SLC24A2: variants seen among roughly 807,000 people sequenced by gnomAD.
The protein encoded by SLC24A2 is solute carrier family 24 member 2, also known as sodium/potassium/calcium exchanger 2.
Under a neutral mutation model 62.0 loss-of-function variants are expected in SLC24A2, and 36 were observed. That is an observed-to-expected ratio of 0.58 (90% CI 0.44 to 0.77). The LOEUF is 0.77. Ranked by LOEUF, SLC24A2 falls within the 30% of genes least tolerant of loss-of-function variation. The probability of loss-of-function intolerance (pLI) is 0.00; values close to 1 mark genes in which losing one functional copy is unlikely to be tolerated. For synonymous variants in SLC24A2, 358 were observed against 294.0 expected, an observed-to-expected ratio of 1.22 and a Z score of -2.23; for missense variants, 846 against 817.9, an observed-to-expected ratio of 1.03 and a Z score of -0.42.
chr9:19,833,765 G>A, the SLC24A2 span, among the ~76,000 whole-genome samples: 1 of 152,254 alleles, frequency 6.6e-6, no homozygotes. Context: ...TCTGAGAATA[G>A]GCAGACTGCC....
At chr9:19,542,964 G>C (rs1314120400) in intron 8 of SLC24A2, among the ~76,000 whole-genome samples, 2 of 152,146 alleles carry the variant, frequency 1.3e-5, no homozygotes, top group African/African-American at 4.8e-5. Context: ...ATGAGTTAGG[G>C]AGGATCCCCT....
chr9:19,816,591 C>T, the SLC24A2 span, among the ~76,000 whole-genome samples: 1 of 152,098 alleles, frequency 6.6e-6, no homozygotes, highest in Non-Finnish European at 1.5e-5. Flanking sequence ...TTAATTGGCT[C>T]ATAGTTCTGC....
the SLC24A2 span, among the ~76,000 whole-genome samples, chr9:20,109,673 G>T: frequency 6.6e-6 from 1 of 152,118 alleles, no homozygotes; most frequent in African/African-American, 2.4e-5. Flanking sequence ...GTTTCCTCTG[G>T]AGTTTGCCCA....
chr9:19,576,878 C>CA (rs1836029774), intron 6 of SLC24A2, 46 bp downstream of exon 6: 12 of 1,446,542 alleles, frequency 8.3e-6, no homozygotes, highest in Non-Finnish European at 9.7e-6. Context: ...CTGCTCCCCT[C>CA]GCTTCCCCCA....
At chr9:20,278,871 C>T in the SLC24A2 span, among the ~76,000 whole-genome samples, 2 of 152,116 alleles carry the variant, frequency 1.3e-5, no homozygotes, top group African/African-American at 4.8e-5. Flanking sequence ...TCTCACACTG[C>T]TAATAAAGAC....
At chr9:19,815,860 A>G in the SLC24A2 span, among the ~76,000 whole-genome samples, 1 of 152,116 alleles carries the variant, frequency 6.6e-6, no homozygotes, top group Non-Finnish European at 1.5e-5. Context: ...AATATGTACA[A>G]TAATTGTAGC....
chr9:20,267,481 G>T, the SLC24A2 span, among the ~76,000 whole-genome samples: 1 of 152,182 alleles, frequency 6.6e-6, no homozygotes, highest in Non-Finnish European at 1.5e-5. Context: ...ACACTGTCCT[G>T]TCAGGCTCTT....
chr9:20,060,965 T>A, the SLC24A2 span, among the ~76,000 whole-genome samples: 1 of 152,148 alleles, frequency 6.6e-6, no homozygotes, highest in Non-Finnish European at 1.5e-5. Context: ...GATACTTAAC[T>A]GTAAATGTAA....
chr9:20,220,501 A>G, the SLC24A2 span, among the ~76,000 whole-genome samples: 1 of 152,240 alleles, frequency 6.6e-6, no homozygotes, highest in East Asian at 1.9e-4. Flanking sequence ...TCAGTATATA[A>G]AATAGAAATC....
intron 8 of SLC24A2, among the ~76,000 whole-genome samples, chr9:19,544,946 G>A (rs1276524160): frequency 6.6e-6 from 1 of 152,132 alleles, no homozygotes; most frequent in African/African-American, 2.4e-5. Context: ...GGTGTTCTCT[G>A]TATTTCCTGA....
At chr9:20,068,008 A>C in the SLC24A2 span, among the ~76,000 whole-genome samples, 1 of 151,450 alleles carries the variant, frequency 6.6e-6, no homozygotes, top group East Asian at 1.9e-4. Context: ...ACAGTGCATA[A>C]GCATTCCTTT....
At chr9:19,813,985 C>T in the SLC24A2 span, among the ~76,000 whole-genome samples, 1 of 152,144 alleles carries the variant, frequency 6.6e-6, no homozygotes, top group Non-Finnish European at 1.5e-5. Context: ...TAGTACTTTG[C>T]TATAGGGGCC....
the SLC24A2 span, among the ~76,000 whole-genome samples, chr9:19,907,021 C>A: frequency 1.3e-4 from 20 of 151,872 alleles, no homozygotes; most frequent in Admixed American, 1.2e-3. Flanking sequence ...GAGACACAAC[C>A]AAAAAAGAGA....
chr9:19,988,275 T>G, the SLC24A2 span, among the ~76,000 whole-genome samples: 2 of 152,202 alleles, frequency 1.3e-5, no homozygotes, highest in African/African-American at 4.8e-5. Context: ...GTAGATGATT[T>G]TGAGCCACAC....
At chr9:19,880,060 T>C in the SLC24A2 span, among the ~76,000 whole-genome samples, 339 of 152,242 alleles carry the variant, frequency 2.2e-3, 3 homozygotes, top group African/African-American at 7.2e-3. Flanking sequence ...AAAATCTACT[T>C]ATGTTTTGAT....
chr9:19,617,237 G>A (rs1055790927), intron 4 of SLC24A2, among the ~76,000 whole-genome samples: 2 of 152,180 alleles, frequency 1.3e-5, no homozygotes, highest in African/African-American at 4.8e-5. Context: ...GGCCCCCTGT[G>A]AGAATCTAAT....
the SLC24A2 span, among the ~76,000 whole-genome samples, chr9:19,897,285 C>A: frequency 6.6e-6 from 1 of 152,098 alleles, no homozygotes; most frequent in Non-Finnish European, 1.5e-5. Flanking sequence ...CAGTCAAGTA[C>A]ATGTTAGTTC....
chr9:20,125,438 A>G, the SLC24A2 span, among the ~76,000 whole-genome samples: 1 of 152,202 alleles, frequency 6.6e-6, no homozygotes, highest in Non-Finnish European at 1.5e-5. Context: ...TAAACCTTTA[A>G]AAGTCTTATA....
At chr9:20,182,296 A>G in the SLC24A2 span, among the ~76,000 whole-genome samples, 8 of 152,372 alleles carry the variant, frequency 5.3e-5, no homozygotes, top group East Asian at 1.5e-3. Context: ...TATATACCCA[A>G]AGGATTATAA....
Sources: gnomAD v4.1 joint callset for allele counts (sites outside exome capture counted in the v4.1 genomes callset) on GRCh38, gnomAD v4.1.1 for gene constraint, MANE v1.5 for transcripts, NCBI Gene and HGNC (gene_info 2026-07-23, HGNC 2026-07-21) for gene names.